The following COLGALT1 variants were observed in gnomAD, a reference collection of about 807,000 sequenced individuals.
COLGALT1 encodes the protein collagen beta(1-O)galactosyltransferase 1.
A neutral mutation model predicts 60.8 loss-of-function variants in COLGALT1; 43 were observed. That is an observed-to-expected ratio of 0.71 (90% CI 0.55 to 0.91). The LOEUF is 0.91. Ranked by LOEUF, COLGALT1 falls within the 40% of genes least tolerant of loss-of-function variation. The pLI is 0.00. For synonymous variants in COLGALT1, 369 were observed against 374.2 expected (o/e 0.99, Z 0.16); for missense variants, 845 against 880.0 (o/e 0.96, Z 0.50).
chr19:17,580,691 C>T lies in COLGALT1; in HGVS notation c.1395-8C>T. ...GAGGAGAGTGACAGGCCCGATCTTG[C>T]ACCCCAGCTATGTGGGCCGGAAGCG... On this transcript the variant is annotated splice_polypyrimidine_tract_variant and splice_region_variant and intron_variant, in intron 10 of 11. Transcript: ENST00000252599. The T allele has an allele frequency of 6.2e-7, 1 of 1,613,776 alleles. No homozygotes were observed. The highest frequency in any genetic ancestry group is 8.5e-7 in the Non-Finnish European group (1 of 1,179,954).
At chr19:17,558,692 AT>A (rs1426785246) in intron 1 of COLGALT1, among the ~76,000 whole-genome samples, 2 of 151,000 alleles carry the variant, frequency 1.3e-5, no homozygotes, top group African/African-American at 4.9e-5. Flanking sequence ...GAAAAAAAAA[AT>A]TAAGTGACAC....
rs150747985 is a variant in COLGALT1 at position 17,568,854 on chromosome 19, A to G, written c.829+141A>G. 1.7e-3 allele frequency: 1,317 copies of G among 785,772 alleles called. 3 individuals carry two copies. Among genetic ancestry groups the G allele is most frequent in the Admixed American group, 4.0e-3 (174 of 43,710 alleles). The allele number at this position is 785,772 out of a possible 1,614,324, so 48.7% of individuals were successfully genotyped here. On this transcript the variant is annotated intron_variant, in intron 5 of 11. Coordinates refer to ENST00000252599, the MANE Select transcript of COLGALT1 (RefSeq NM_024656.4). ...GCTGACTTCAGGTGCAGCTGTATCTAGGTGTTCAGATAATGTCTCCAGGAC... is the reference window on the plus strand; with the variant it reads ...GCTGACTTCAGGTGCAGCTGTATCTGGGTGTTCAGATAATGTCTCCAGGAC...
chr19:17,579,737 G>T, intron 10 of COLGALT1, 128 bp downstream of exon 10: 1 of 1,279,128 alleles, frequency 7.8e-7, no homozygotes, highest in Non-Finnish European at 1.1e-6. Flanking sequence ...GGGCTTGAAG[G>T]TGGGGTGGAA....
intron 3 of COLGALT1, among the ~76,000 whole-genome samples, chr19:17,562,362 A>AT (rs920034911): frequency 4.0e-5 from 6 of 151,896 alleles, no homozygotes; most frequent in Non-Finnish European, 5.9e-5. Context: ...CTGATTTGAG[A>AT]TTTTCAGAAG....
intron 3 of COLGALT1, among the ~76,000 whole-genome samples, chr19:17,561,582 A>G (rs902571626): frequency 6.7e-6 from 1 of 149,136 alleles, no homozygotes; most frequent in Non-Finnish European, 1.5e-5. Flanking sequence ...TCTCGAGCCA[A>G]GATCACGCCA....
At chr19:17,563,955 C>T (rs78491837) in intron 3 of COLGALT1, among the ~76,000 whole-genome samples, 14,634 of 151,822 alleles carry the variant, frequency 0.096, 1,066 homozygotes, top group African/African-American at 0.21. Flanking sequence ...TAAAAATATA[C>T]GAGCTGGGTG....
At chr19:17,559,533 G>T (rs1050113416) in intron 2 of COLGALT1, 112 bp downstream of exon 2, 1 of 790,518 alleles carries the variant, frequency 1.3e-6, no homozygotes, top group Non-Finnish European at 2.1e-6. Context: ...CCTGCCTCCA[G>T]CCCAGCCAGG....
At position 17,555,745 on chromosome 19, in the gene COLGALT1, G is replaced by C; in HGVS notation, c.32G>C (p.Arg11Pro). Residue 11 changes from arginine to proline, a missense_variant, in exon 1 of 12, where the codon CGC becomes CCC. Arg to Pro is a moderately radical substitution (Grantham distance 103). Coordinates refer to ENST00000252599, the MANE Select transcript of COLGALT1 (RefSeq NM_024656.4). ...GCGGCCCCACGCGCGGGCCGGCGGCGCGGGCAGCCGCTCCTGGCGCTGCTG... is the reference window on the plus strand; with the variant it reads ...GCGGCCCCACGCGCGGGCCGGCGGCCCGGGCAGCCGCTCCTGGCGCTGCTG... MAAAPRAGRR[R>P]GQPLLALLLL... 1 of 1,209,970 alleles carries C rather than the reference G, an allele frequency of 8.3e-7. No individual in the cohort carries two copies. Among genetic ancestry groups the C allele is most frequent in the Non-Finnish European group, 1.0e-6 (1 of 974,706 alleles). 75.0% of individuals were successfully genotyped at this position (1,209,970 alleles called of 1,614,324 possible).
chr19:17,571,667 G>A (rs1456666976), intron 5 of COLGALT1, among the ~76,000 whole-genome samples: 4 of 151,582 alleles, frequency 2.6e-5, no homozygotes, highest in East Asian at 3.9e-4. Context: ...GCAGTGAGCC[G>A]AGGTGGCACC....
chr19:17,578,783 G>A (rs955224901), intron 9 of COLGALT1, among the ~76,000 whole-genome samples: 4 of 152,182 alleles, frequency 2.6e-5, no homozygotes, highest in Non-Finnish European at 5.9e-5. Flanking sequence ...GGCCGAGGCA[G>A]GCGGATCACC....
chr19:17,576,688 G>T lies in COLGALT1; in HGVS notation c.950-507G>T, dbSNP rs995193160. On this transcript the variant is annotated intron_variant, in intron 6 of 11. Coordinates refer to ENST00000252599, the MANE Select transcript of COLGALT1 (RefSeq NM_024656.4). Reference sequence around the variant, plus strand: ...AGGGTTTAAAGGTGGGGCTGGGGGGGTGCAGGGTGAAGTTGGAGCCTGGGG... The same window carrying T: ...AGGGTTTAAAGGTGGGGCTGGGGGGTTGCAGGGTGAAGTTGGAGCCTGGGG... Among the ~76,000 whole-genome samples the T allele has an allele frequency of 4.0e-5, 6 of 149,246 alleles. No homozygotes were observed. In the South Asian group the frequency reaches 6.4e-4, roughly 16 times the overall value.
chr19:17,579,120 A>G (rs550025787), intron 9 of COLGALT1, among the ~76,000 whole-genome samples: 3 of 151,484 alleles, frequency 2.0e-5, no homozygotes, highest in Non-Finnish European at 4.4e-5. Context: ...TGCAGTTGAG[A>G]TCGTTCCACT....
intron 8 of COLGALT1, 152 bp downstream of exon 8, chr19:17,577,619 T>TG (rs1398099610): frequency 1.4e-6 from 1 of 726,586 alleles, no homozygotes; most frequent in Non-Finnish European, 2.2e-6. Flanking sequence ...GGGAAGTGAA[T>TG]GGGACCCTGG....
intron 5 of COLGALT1, 132 bp from the exon 6 acceptor site, chr19:17,572,351 C>T: frequency 7.4e-7 from 1 of 1,347,494 alleles, no homozygotes; most frequent in Non-Finnish European, 1.0e-6. Context: ...GCTCTGTTGC[C>T]CAGGCTGGTC....
chr19:17,563,184 T>TTCC (rs2076258954), intron 3 of COLGALT1, among the ~76,000 whole-genome samples: 1 of 146,774 alleles, frequency 6.8e-6, no homozygotes, highest in Non-Finnish European at 1.5e-5. Context: ...TATTTTCGTG[T>TTCC]TTCTTTTTTT....
rs1489316518 is a variant in COLGALT1 at position 17,555,933 on chromosome 19, C to G, written c.220C>G (p.Leu74Val). The change falls in exon 1 of 12, where the codon CTC becomes GTC. Residue 74 changes from leucine (L) to valine (V), a missense_variant. Leu to Val is a conservative substitution (Grantham distance 32). Transcript: ENST00000252599. ...CGCGTTGCCCACCACGCTGGGCGCA[C>G]TCGAGCGGCTGCGGCACCCGCGGGA... is the stretch of plus-strand genomic sequence containing the variant. ...AHALPTTLGA[L>V]ERLRHPRERT... The G allele has an allele frequency of 7.2e-7, 1 of 1,394,106 alleles. No individual in the cohort carries two copies. The highest frequency in any genetic ancestry group is 1.5e-5 in the South Asian group (1 of 67,922). The allele number at this position is 1,394,106 out of a possible 1,614,324, so 86.4% of individuals were successfully genotyped here.
At chr19:17,561,732 A>G (rs1810429564) in intron 3 of COLGALT1, among the ~76,000 whole-genome samples, 1 of 151,794 alleles carries the variant, frequency 6.6e-6, no homozygotes, top group Non-Finnish European at 1.5e-5. Flanking sequence ...ATTCTGTTAC[A>G]TGCATAGATT....
chr19:17,556,232 C>T (rs1299134706), intron 1 of COLGALT1, among the ~76,000 whole-genome samples: 1 of 152,210 alleles, frequency 6.6e-6, no homozygotes. Flanking sequence ...ACAAGCGGGA[C>T]CGAGTTCCTC....
chr19:17,579,393 C>G (rs971208400), intron 9 of COLGALT1, 89 bp from the exon 10 acceptor site: 106 of 1,574,492 alleles, frequency 6.7e-5, no homozygotes, highest in Non-Finnish European at 9.0e-5. Flanking sequence ...CTCTACGGGT[C>G]TTTCAAACCT....
Sources: allele counts gnomAD v4.1 joint callset (sites outside exome capture counted in the v4.1 genomes callset), GRCh38; gene constraint gnomAD v4.1.1; transcripts MANE v1.5; gene names NCBI Gene and HGNC (gene_info 2026-07-23, HGNC 2026-07-21).